The following AKR1D1 variants were observed in gnomAD, a reference collection of about 807,000 sequenced individuals.
AKR1D1 encodes the protein aldo-keto reductase family 1 member D1.
A neutral mutation model predicts 42.6 loss-of-function variants in AKR1D1; 32 were observed. The ratio of observed to expected loss-of-function variants is 0.75; its 90% CI spans 0.57 to 1.01. The LOEUF is 1.01. AKR1D1 is among the 50% of genes least tolerant of loss of function. The pLI, the probability that AKR1D1 is intolerant of heterozygous loss-of-function variation, is 0.00. For missense variants in AKR1D1, 364 were observed against 402.2 expected (o/e 0.91, Z 0.81); for synonymous variants, 123 against 135.5 (o/e 0.91, Z 0.64).
intron 3 of AKR1D1, among the ~76,000 whole-genome samples, chr7:138,096,161 A>G (rs972845606): frequency 1.2e-4 from 18 of 151,950 alleles, no homozygotes; most frequent in African/African-American, 4.1e-4. Context: ...AGCCATAATC[A>G]TGCCACCGCA....
chr7:138,083,217 G>GT (rs942096289), intron 1 of AKR1D1, among the ~76,000 whole-genome samples: 2 of 152,044 alleles, frequency 1.3e-5, no homozygotes, highest in African/African-American at 4.8e-5. Context: ...TTACCTTTCA[G>GT]TTTTTTGATA....
intron 8 of AKR1D1, 146 bp from the exon 9 acceptor site, chr7:138,116,474 C>T: frequency 1.1e-6 from 1 of 940,034 alleles, no homozygotes. Context: ...TGAGGGAAAA[C>T]AGAAGAGGAA....
At chr7:138,106,918 A>C (rs935825973) in intron 6 of AKR1D1, among the ~76,000 whole-genome samples, 1 of 152,242 alleles carries the variant, frequency 6.6e-6, no homozygotes, top group African/African-American at 2.4e-5. Context: ...ATTGCCTATC[A>C]GTGCCTGATA....
intron 8 of AKR1D1, among the ~76,000 whole-genome samples, chr7:138,114,957 A>C (rs1392258606): frequency 6.6e-6 from 1 of 152,220 alleles, no homozygotes; most frequent in Non-Finnish European, 1.5e-5. Context: ...TTCTGAATTA[A>C]TAAAACAACT....
At chr7:138,077,692 G>A (rs1252917267) in intron 1 of AKR1D1, among the ~76,000 whole-genome samples, 4 of 152,168 alleles carry the variant, frequency 2.6e-5, no homozygotes, top group Admixed American at 2.0e-4. Flanking sequence ...GTGTAGAAAT[G>A]CTACTGAAAT....
At chr7:138,077,727 T>A (rs1346342206) in intron 1 of AKR1D1, among the ~76,000 whole-genome samples, 1 of 152,200 alleles carries the variant, frequency 6.6e-6, no homozygotes, top group Admixed American at 6.5e-5. Context: ...ATGAATGAAC[T>A]ATTTGAAGCT....
At position 138,105,376 on chromosome 7, in the gene AKR1D1, C is replaced by A; in HGVS notation, c.526C>A (p.Leu176Met). ...AGTGTCCAATTTTAACCGCAGGCAG[C>A]TGGAGCTCATCCTGAACAAGCCAGG... Reference protein sequence around the residue: ...LGVSNFNRRQLELILNKPGLK... With the variant: ...LGVSNFNRRQMELILNKPGLK... The change falls in exon 5 of 9, where the codon CTG (leucine) becomes ATG (methionine). Residue 176 changes from leucine to methionine, a missense_variant. Leu to Met is a conservative substitution (Grantham distance 15, BLOSUM62 2). Transcript: ENST00000242375. 1 of 1,614,084 alleles carries A rather than the reference C, an allele frequency of 6.2e-7. No homozygotes were observed. The highest frequency in any genetic ancestry group is 8.5e-7 in the Non-Finnish European group (1 of 1,180,026).
intron 1 of AKR1D1, among the ~76,000 whole-genome samples, chr7:138,084,256 C>CTT (rs34809975): frequency 0.19 from 25,419 of 134,520 alleles, 3,142 homozygotes; most frequent in African/African-American, 0.31. Flanking sequence ...TTTAATCTAG[C>CTT]TTTTTTTTTT....
intron 3 of AKR1D1, among the ~76,000 whole-genome samples, chr7:138,096,174 C>G (rs1794179805): frequency 6.6e-6 from 1 of 152,034 alleles, no homozygotes; most frequent in Non-Finnish European, 1.5e-5. Context: ...CCACCGCACT[C>G]CAGCCTGGAC....
At chr7:138,110,631 T>C (rs1794519288) in intron 7 of AKR1D1, among the ~76,000 whole-genome samples, 1 of 152,050 alleles carries the variant, frequency 6.6e-6, no homozygotes, top group Non-Finnish European at 1.5e-5. Flanking sequence ...TGGGCGCCTG[T>C]AATCCCAGCT....
chr7:138,107,469 G>T lies in AKR1D1; in HGVS notation c.744G>T (p.Gly248=). The T allele has an allele frequency of 1.2e-6, 2 of 1,614,100 alleles. No homozygotes were observed. Among genetic ancestry groups the T allele is most frequent in the Non-Finnish European group, 1.7e-6 (2 of 1,179,972 alleles). Residue 248 remains glycine (G), a synonymous_variant, in exon 7 of 9, where the codon GGG becomes GGT. Coordinates refer to ENST00000242375, the MANE Select transcript of AKR1D1 (RefSeq NM_005989.4). ...AGGATGCACTTCTAAACTCATTGGG[G>T]AAAAGGTACAATAAGACAGCAGCTC... ...LLKDALLNSL[G]KRYNKTAAQI...
At chr7:138,093,484 CACACATTAGTCTAGGCCT>C (rs1343814617) in intron 3 of AKR1D1, among the ~76,000 whole-genome samples, 1 of 151,948 alleles carries the variant, frequency 6.6e-6, no homozygotes, top group Non-Finnish European at 1.5e-5. Context: ...GACACAAGCA[CACACATTAGTCTAGGCCT>C]ACACAGGGTC....
intron 1 of AKR1D1, among the ~76,000 whole-genome samples, chr7:138,087,673 C>T (rs888689927): frequency 1.3e-5 from 2 of 152,082 alleles, no homozygotes; most frequent in Non-Finnish European, 2.9e-5. Flanking sequence ...CTTCCTCATG[C>T]CACTTTGTAA....
intron 1 of AKR1D1, among the ~76,000 whole-genome samples, chr7:138,087,564 T>C (rs1396348898): frequency 2.0e-5 from 3 of 152,182 alleles, no homozygotes; most frequent in Non-Finnish European, 2.9e-5. Context: ...TAATAAACTG[T>C]CCATATTTAA....
At chr7:138,096,957 T>C (rs1021773878) in intron 3 of AKR1D1, among the ~76,000 whole-genome samples, 1 of 152,222 alleles carries the variant, frequency 6.6e-6, no homozygotes, top group Non-Finnish European at 1.5e-5. Context: ...TCTGTTCAAC[T>C]GCCTCCCTCA....
At chr7:138,082,623 A>G (rs1474235796) in intron 1 of AKR1D1, among the ~76,000 whole-genome samples, 2 of 152,166 alleles carry the variant, frequency 1.3e-5, no homozygotes, top group Non-Finnish European at 2.9e-5. Context: ...AACCCCTAGC[A>G]TCAAGCAATT....
In AKR1D1 at chr7:138,106,643, C is replaced by T. The variant is rs755282345; in HGVS notation, c.615C>T (p.Leu205=). ...ATCCGTATTTCACCCAGCCAAAACT[C>T]TTGAAATTTTGCCAACAACATGACA... ...ECHPYFTQPK[L]LKFCQQHDIV... Residue 205 remains leucine (L), a synonymous_variant, in exon 6 of 9, where the codon CTC becomes CTT. Transcript: ENST00000242375. The T allele has an allele frequency of 6.2e-7, 1 of 1,614,158 alleles. No individual in the cohort carries two copies. The highest frequency in any genetic ancestry group is 2.2e-5 in the East Asian group (1 of 44,868).
intron 1 of AKR1D1, among the ~76,000 whole-genome samples, chr7:138,085,087 G>C (rs1454402653): frequency 7.5e-6 from 1 of 132,884 alleles, no homozygotes; most frequent in African/African-American, 2.8e-5. Context: ...GAATTACAAA[G>C]TGTGGTCCTC....
At chr7:138,104,871 T>C (rs1320513283) in intron 4 of AKR1D1, among the ~76,000 whole-genome samples, 2 of 152,046 alleles carry the variant, frequency 1.3e-5, no homozygotes, top group African/African-American at 4.8e-5. Flanking sequence ...TGGATCCTCC[T>C]ACTTCAGCCT....
Sources: gnomAD v4.1 joint callset for allele counts (sites outside exome capture counted in the v4.1 genomes callset) on GRCh38, gnomAD v4.1.1 for gene constraint, MANE v1.5 for transcripts, NCBI Gene and HGNC (gene_info 2026-07-23, HGNC 2026-07-21) for gene names.